Variants in ZNF497 observed in about 807,000 individuals in gnomAD.
ZNF497 encodes the protein zinc finger-like protein.
For synonymous variants in ZNF497, 422 were observed against 313.7 expected (o/e 1.35, Z -3.65); for missense variants, 930 against 714.0 (o/e 1.30, Z -3.45).
intron 1 of ZNF497, 89 bp from the exon 2 acceptor site, chr19:58,358,674 T>G (rs1361959837): frequency 1.8e-6 from 1 of 566,794 alleles, no homozygotes; most frequent in East Asian, 6.9e-5. Context: ...TGACCCACCC[T>G]TCTCTGCACC....
rs1443747851 is a variant in ZNF497, at chr19:58,358,570, G to T, written c.-96C>A. ...GTCCTGGGGACCAGCTCCTCTTGGG[G>T]CCTGGGGGCTGGCACCTGGGGACAG... On this transcript the variant is annotated 5_prime_UTR_variant, in exon 2 of 3. Transcript: ENST00000311044. 1.3e-5 allele frequency: 15 copies of T among 1,189,104 alleles called. No homozygotes were observed. Among genetic ancestry groups the T allele is most frequent in the Non-Finnish European group, 1.6e-5 (15 of 941,190 alleles). 73.7% of individuals were successfully genotyped at this position (1,189,104 alleles called of 1,614,324 possible).
At chr19:58,358,343 G>T in intron 2 of ZNF497, 146 bp downstream of exon 2, 1 of 1,240,096 alleles carries the variant, frequency 8.1e-7, no homozygotes, top group Non-Finnish European at 1.0e-6. Flanking sequence ...GGCCATGCCT[G>T]CCTGTCCAGC....
chr19:58,361,074 A>G (rs1016887547), intron 1 of ZNF497, among the ~76,000 whole-genome samples: 2 of 151,726 alleles, frequency 1.3e-5, no homozygotes, highest in Non-Finnish European at 2.9e-5. Context: ...GAGCCACGGC[A>G]CCCGGCCGGT....
Position 58,357,389 on chromosome 19 carries a change from C to T in ZNF497, c.247G>A (p.Gly83Arg). 6.3e-7 allele frequency: 1 copy of T among 1,594,316 alleles called. No homozygotes were observed. Among genetic ancestry groups the T allele is most frequent in the Non-Finnish European group, 8.5e-7 (1 of 1,171,868 alleles). ...GCAGGCTCGCTCCTGGGCCCAGCCC[C>T]GTCCCGCCCACCGTCTGCGGGGCCC... ...ELGPADGGRD[G>R]AGPRSEPADR... Residue 83 changes from glycine to arginine, a missense_variant, in exon 3 of 3, where the codon GGG becomes AGG. By Grantham distance (125) the Gly-to-Arg change is moderately radical. Transcript: ENST00000311044.
In ZNF497 at chr19:58,356,469, G is replaced by A. The variant is rs758323839; in HGVS notation, c.1167C>T (p.Ala389=). Residue 389 remains alanine, a synonymous_variant, in exon 3 of 3, where the codon GCC becomes GCT. Transcript: ENST00000311044. The part of the protein sequence containing the change: ...THSGAKPFAC[A]DCGKAFRGSS... Reference sequence around the variant, plus strand: ...TGCCGCGGAAGGCCTTGCCGCAGTCGGCGCAGGCGAAGGGCTTGGCGCCCG... The same window carrying A: ...TGCCGCGGAAGGCCTTGCCGCAGTCAGCGCAGGCGAAGGGCTTGGCGCCCG... The A allele has an allele frequency of 1.3e-6, 2 of 1,552,144 alleles. No homozygotes were observed. Among genetic ancestry groups the A allele is most frequent in the African/African-American group, 1.4e-5 (1 of 73,396 alleles).
chr19:58,358,890 AG>A (rs1222224182), intron 1 of ZNF497: 2 of 455,688 alleles, frequency 4.4e-6, no homozygotes, highest in East Asian at 1.4e-4. Flanking sequence ...CCCCCAGACC[AG>A]CCCCCACTCA....
rs2052011518 is a variant in ZNF497 at position 58,355,930 on chromosome 19, T to C, written c.*209A>G. The C allele has an allele frequency of 3.6e-6, 2 of 560,388 alleles. No individual in the cohort carries two copies. Among genetic ancestry groups the C allele is most frequent in the Admixed American group, 3.6e-5 (1 of 27,906 alleles). The allele number at this position is 560,388 out of a possible 1,614,324, so 34.7% of individuals were successfully genotyped here. A position where few individuals can be genotyped will look rare whatever the true frequency, so the allele number is the denominator to read the frequency against. ...CCCTGGGGTAAGAGCCCATCCTACA[T>C]GTCCCCAGACAGGCCTGGGTGGCCG... On this transcript the variant is annotated 3_prime_UTR_variant, in exon 3 of 3. Transcript: ENST00000311044.
intron 1 of ZNF497, among the ~76,000 whole-genome samples, chr19:58,361,750 C>T (rs1309856444): frequency 6.6e-6 from 1 of 152,112 alleles, no homozygotes; most frequent in Non-Finnish European, 1.5e-5. Flanking sequence ...ATAATTACCT[C>T]AAATCAAAAG....
At position 58,358,933 on chromosome 19, in the gene ZNF497, T is replaced by A. The variant is rs748482799; in HGVS notation, c.-111-348A>T. 4.0e-4 allele frequency: 183 copies of A among 456,368 alleles called. 5 individuals carry two copies. The highest frequency in any genetic ancestry group is 2.3e-3 in the South Asian group (145 of 64,406). The allele number at this position is 456,368 out of a possible 1,614,324, so 28.3% of individuals were successfully genotyped here. On this transcript the variant is annotated intron_variant, in intron 1 of 2. Transcript: ENST00000311044. ...GTCCTGGCCCAGCTGACTCCTGCTG[T>A]AGCCGCTCTGCCAGGGCAGTGGCCT...
Position 58,357,277 on chromosome 19 carries a change from T to G in ZNF497, c.359A>C (p.Tyr120Ser). Residue 120 changes from tyrosine (Y) to serine (S), a missense_variant, in exon 3 of 3, where the codon TAC becomes TCC. Tyr to Ser is a moderately radical substitution (Grantham distance 144). Coordinates refer to ENST00000311044, the MANE Select transcript of ZNF497 (RefSeq NM_198458.3). ...GTGCACGCGCCGATGCTGCAGCAAG[T>G]AAGAGCCCTGGCTGAACGCCTTGCC... ...ECGKAFSQGS[Y>S]LLQHRRVHTG... The G allele has an allele frequency of 6.2e-7, 1 of 1,612,584 alleles. No homozygotes were observed. Among genetic ancestry groups the G allele is most frequent in the Non-Finnish European group, 8.5e-7 (1 of 1,179,608 alleles).
chr19:58,359,137 C>T (rs752002275), intron 1 of ZNF497: 8 of 1,260,932 alleles, frequency 6.3e-6, no homozygotes, highest in Non-Finnish European at 7.3e-6. Flanking sequence ...GCCCTGCTGC[C>T]TTCTCATAGC....
chr19:58,357,449 C>T lies in ZNF497; in HGVS notation c.187G>A (p.Ala63Thr), dbSNP rs1357743642. 6.3e-7 allele frequency: 1 copy of T among 1,599,742 alleles called. No individual in the cohort carries two copies. Among genetic ancestry groups the T allele is most frequent in the African/African-American group, 1.3e-5 (1 of 74,730 alleles). Residue 63 changes from alanine (A) to threonine (T), a missense_variant, in exon 3 of 3, where the codon GCG becomes ACG. Transcript: ENST00000311044. ...CCGGGGCCTCCCTGTTCGTCCGCCG[C>T]CCCCAGTGTGGCTTGCTGCCGCTGG... is the stretch of plus-strand genomic sequence containing the variant. ...DGQRQQATLG[A>T]ADEQGGPGRE...
At position 58,356,118 on chromosome 19, in the gene ZNF497, C is replaced by T. The variant is rs760858681; in HGVS notation, c.*21G>A. The T allele has an allele frequency of 1.2e-5, 18 of 1,516,882 alleles. No homozygotes were observed. Among genetic ancestry groups the T allele is most frequent in the Non-Finnish European group, 1.6e-5 (18 of 1,135,918 alleles). 94.0% of individuals were successfully genotyped at this position (1,516,882 alleles called of 1,614,324 possible). A position where few individuals can be genotyped will look rare whatever the true frequency, so the allele number is the denominator to read the frequency against. On this transcript the variant is annotated 3_prime_UTR_variant, in exon 3 of 3. Coordinates refer to ENST00000311044, the MANE Select transcript of ZNF497 (RefSeq NM_198458.3). ...CCGCAATGCCGTGTGTCCGCGACCT[C>T]CCGCTCAGGGCGTCCTCGGGTCAGG...
In ZNF497 at chr19:58,357,437, G is replaced by T. The variant is rs765372954; in HGVS notation, c.199C>A (p.Gln67Lys). The change falls in exon 3 of 3, where the codon CAG becomes AAG. Residue 67 changes from glutamine to lysine, a missense_variant. Coordinates refer to ENST00000311044, the MANE Select transcript of ZNF497 (RefSeq NM_198458.3). ...CCCAGCTCCCTGCCGGGGCCTCCCT[G>T]TTCGTCCGCCGCCCCCAGTGTGGCT... ...QQATLGAADE[Q>K]GGPGRELGPA... 4.4e-6 allele frequency: 7 copies of T among 1,600,662 alleles called. No homozygotes were observed. Among genetic ancestry groups the T allele is most frequent in the Non-Finnish European group, 5.1e-6 (6 of 1,173,792 alleles).
intron 1 of ZNF497, among the ~76,000 whole-genome samples, chr19:58,361,755 C>G (rs192347341): frequency 2.0e-5 from 3 of 152,250 alleles, no homozygotes; most frequent in Non-Finnish European, 2.9e-5. Flanking sequence ...TACCTCAAAT[C>G]AAAAGTTAAA....
At chr19:58,358,268 G>A (rs1480509633) in intron 2 of ZNF497, 1 of 1,289,800 alleles carries the variant, frequency 7.8e-7, no homozygotes, top group Non-Finnish European at 1.0e-6. Context: ...GGCATGGGGT[G>A]GCTGTGCAGC....
In ZNF497 at chr19:58,356,677, T is replaced by TGCTGCAGGA. The variant is rs1568558031; in HGVS notation, c.950_958dup (p.Leu317_Gln319dup). 6 of 1,555,934 alleles carry TGCTGCAGGA rather than the reference T, an allele frequency of 3.9e-6. No homozygotes were observed. In the South Asian group the frequency reaches 5.8e-5, roughly 15 times the overall value. ...CCGCTCACCAGTGTGCGTGCGCTGG[T>TGCTGCAGGA]GCTGCAGGAGCTGCGAGCTCTCGCG... On this transcript the variant is annotated inframe_insertion, in exon 3 of 3. Transcript: ENST00000311044.
intron 1 of ZNF497, chr19:58,359,569 T>G: frequency 2.4e-6 from 1 of 419,530 alleles, no homozygotes; most frequent in Non-Finnish European, 4.8e-6. Context: ...CCCTGTCTCC[T>G]TGGCACCCTT....
intron 1 of ZNF497, among the ~76,000 whole-genome samples, chr19:58,361,926 C>T (rs772808875): frequency 6.6e-6 from 1 of 152,226 alleles, no homozygotes; most frequent in Non-Finnish European, 1.5e-5. Context: ...CCCCCAGCCG[C>T]ATCTATCAGG....
Sources: gnomAD v4.1 joint callset for allele counts (sites outside exome capture counted in the v4.1 genomes callset) on GRCh38, gnomAD v4.1.1 for gene constraint, MANE v1.5 for transcripts, NCBI Gene and HGNC (gene_info 2026-07-23, HGNC 2026-07-21) for gene names.